The following NELL1 variants were observed in gnomAD, a reference collection of about 807,000 sequenced individuals.
NELL1 encodes the protein neural EGFL like 1, also known as protein kinase C-binding protein NELL1.
NELL1 carries 76 observed loss-of-function variants against 107.4 expected under a neutral mutation model. That is an observed-to-expected ratio of 0.71 (90% confidence interval 0.59 to 0.86). The LOEUF is 0.86. NELL1 is among the 40% of genes least tolerant of loss of function. NELL1 has a pLI of 0.00. For missense variants in NELL1, 1,024 were observed against 1,005.5 expected (o/e 1.02, Z -0.25); for synonymous variants, 353 against 341.2 (o/e 1.03, Z -0.38).
chr11:20,733,337 A>G (rs12808225), intron 2 of NELL1, among the ~76,000 whole-genome samples: 24,823 of 152,180 alleles, frequency 0.16, 2,297 homozygotes, highest in African/African-American at 0.25. Flanking sequence ...GTAGGTCAAG[A>G]TGGTTCATCA....
intron 15 of NELL1, among the ~76,000 whole-genome samples, chr11:21,458,094 A>G (rs1419482229): frequency 1.3e-5 from 2 of 152,196 alleles, no homozygotes; most frequent in East Asian, 1.9e-4. Context: ...ATAAGATGGT[A>G]TCCGAAGAGA....
At chr11:20,708,685 T>C (rs185828840) in intron 2 of NELL1, among the ~76,000 whole-genome samples, 1 of 152,326 alleles carries the variant, frequency 6.6e-6, no homozygotes, top group Admixed American at 6.5e-5. Context: ...GTCTGTTTAC[T>C]CTGCTGGTTA....
chr11:21,335,173 C>T (rs1188361971), intron 14 of NELL1, among the ~76,000 whole-genome samples: 5 of 151,952 alleles, frequency 3.3e-5, no homozygotes, highest in African/African-American at 1.2e-4. Context: ...ATTTTAAATG[C>T]CTGAATCACT....
intron 15 of NELL1, among the ~76,000 whole-genome samples, chr11:21,483,691 A>AAAT (rs1435903367): frequency 6.6e-6 from 1 of 151,784 alleles, no homozygotes; most frequent in African/African-American, 2.4e-5. Context: ...TTTTTATATA[A>AAAT]AATATGAATT....
At chr11:21,155,126 A>G (rs1363363248) in intron 13 of NELL1, among the ~76,000 whole-genome samples, 1 of 152,158 alleles carries the variant, frequency 6.6e-6, no homozygotes, top group Non-Finnish European at 1.5e-5. Context: ...ATTTGGGAGC[A>G]TATGTGTGAA....
chr11:20,934,983 A>G (rs1162207455), intron 9 of NELL1, among the ~76,000 whole-genome samples: 2 of 152,212 alleles, frequency 1.3e-5, no homozygotes, highest in Non-Finnish European at 2.9e-5. Flanking sequence ...TAATGTTTGA[A>G]GTTGTATTGA....
intron 14 of NELL1, among the ~76,000 whole-genome samples, chr11:21,367,013 C>T (rs1423221338): frequency 6.6e-6 from 1 of 151,732 alleles, no homozygotes. Flanking sequence ...TCATTTTGTT[C>T]CCCTTAATAC....
Position 20,953,488 on chromosome 11 carries a change from T to TG in NELL1, c.1171+6060dup, listed in dbSNP as rs544068645. ...AAGTGGGATTTGGAGAGTGGCAGTGTGGGGGGGCCTCAGTGTAATAGGCAG... is the reference window on the plus strand; with the variant it reads ...AAGTGGGATTTGGAGAGTGGCAGTGTGGGGGGGGCCTCAGTGTAATAGGCAG... On this transcript the variant is annotated intron_variant, in intron 11 of 19. Coordinates refer to ENST00000357134, the MANE Select transcript of NELL1 (RefSeq NM_006157.5). Among the ~76,000 whole-genome samples, 127 of 152,130 alleles carry TG rather than the reference T, an allele frequency of 8.3e-4. 2 individuals carry two copies. In the East Asian group the frequency reaches 0.017, roughly 21 times the overall value.
Position 21,435,039 on chromosome 11 carries a change from A to G in NELL1, c.1645+64091A>G, listed in dbSNP as rs562087681. Reference sequence around the variant, plus strand: ...TTTGTGGGTTGATTTTCTACTCTGTAACTTTACCGAATTTGTTGATTACTT... The same window carrying G: ...TTTGTGGGTTGATTTTCTACTCTGTGACTTTACCGAATTTGTTGATTACTT... On this transcript the variant is annotated intron_variant, in intron 15 of 19. Coordinates refer to ENST00000357134, the MANE Select transcript of NELL1 (RefSeq NM_006157.5). Among the ~76,000 whole-genome samples the G allele has an allele frequency of 4.6e-5, 7 of 152,208 alleles. No individual in the cohort carries two copies. In the South Asian group the frequency reaches 1.0e-3, roughly 23 times the overall value.
At chr11:20,919,184 T>C in intron 6 of NELL1, 68 bp from the exon 7 acceptor site, 1 of 972,972 alleles carries the variant, frequency 1.0e-6, no homozygotes, top group Non-Finnish European at 1.5e-6. Context: ...ACGTATCTAC[T>C]GTTTTAAAAT....
At chr11:20,781,029 CACGTTAACT>C (rs1446834302) in intron 2 of NELL1, among the ~76,000 whole-genome samples, 1 of 152,084 alleles carries the variant, frequency 6.6e-6, no homozygotes, top group East Asian at 1.9e-4. Flanking sequence ...TTAAAAAGAG[CACGTTAACT>C]ACAGTGTGAA....
At chr11:20,997,754 G>T (rs1852123867) in intron 12 of NELL1, among the ~76,000 whole-genome samples, 2 of 152,144 alleles carry the variant, frequency 1.3e-5, no homozygotes, top group African/African-American at 4.8e-5. Flanking sequence ...TTTGAGCATT[G>T]CTTGAGCCCA....
chr11:21,397,211 C>T (rs903168717), intron 15 of NELL1, among the ~76,000 whole-genome samples: 1 of 151,500 alleles, frequency 6.6e-6, no homozygotes, highest in African/African-American at 2.4e-5. Flanking sequence ...TTTTTATTGC[C>T]ATGCAAAGTA....
rs548639254 is a variant in NELL1 at position 21,294,772 on chromosome 11, T to G, written c.1549+65318T>G. On this transcript the variant is annotated intron_variant, in intron 14 of 19. Coordinates refer to ENST00000357134, the MANE Select transcript of NELL1 (RefSeq NM_006157.5). Reference sequence around the variant, plus strand: ...TAAAACCCAAGGATTTAAATGGTCATGAGTGTTTGTACATTGTGAATTTTC... The same window carrying G: ...TAAAACCCAAGGATTTAAATGGTCAGGAGTGTTTGTACATTGTGAATTTTC... Among the ~76,000 whole-genome samples the G allele has an allele frequency of 2.0e-5, 3 of 152,184 alleles. No individual in the cohort carries two copies. In the South Asian group the frequency reaches 6.2e-4, roughly 32 times the overall value.
At chr11:21,369,471 G>T (rs1038272826) in intron 14 of NELL1, among the ~76,000 whole-genome samples, 2 of 150,334 alleles carry the variant, frequency 1.3e-5, no homozygotes, top group Non-Finnish European at 3.0e-5. Flanking sequence ...GGCAGAGGAA[G>T]TTGAAATTAA....
chr11:20,784,438 A>G (rs879855774), intron 3 of NELL1, among the ~76,000 whole-genome samples: 2 of 152,238 alleles, frequency 1.3e-5, no homozygotes, highest in Non-Finnish European at 2.9e-5. Flanking sequence ...TGGAAGAATA[A>G]CATTTCAGAA....
chr11:20,953,078 CT>C (rs1253764447), intron 11 of NELL1, among the ~76,000 whole-genome samples: 2 of 152,230 alleles, frequency 1.3e-5, no homozygotes, highest in Non-Finnish European at 2.9e-5. Flanking sequence ...CCATATCCTT[CT>C]TAACCAGTCC....
At chr11:21,515,223 GC>G (rs1564934550) in intron 15 of NELL1, among the ~76,000 whole-genome samples, 1 of 152,138 alleles carries the variant, frequency 6.6e-6, no homozygotes, top group African/African-American at 2.4e-5. Flanking sequence ...TGACTGTTGT[GC>G]TTCTACTTCT....
At chr11:21,221,176 C>G (rs918520030) in intron 13 of NELL1, among the ~76,000 whole-genome samples, 1 of 152,084 alleles carries the variant, frequency 6.6e-6, no homozygotes, top group Non-Finnish European at 1.5e-5. Flanking sequence ...TGATTTATGT[C>G]TCACATTTAT....
Sources: allele counts gnomAD v4.1 joint callset (sites outside exome capture counted in the v4.1 genomes callset), GRCh38; gene constraint gnomAD v4.1.1; transcripts MANE v1.5; gene names NCBI Gene and HGNC (gene_info 2026-07-23, HGNC 2026-07-21).